SEMA3E: variants seen among roughly 807,000 people sequenced by gnomAD.
SEMA3E encodes the protein semaphorin 3E.
A neutral mutation model predicts 93.6 loss-of-function variants in SEMA3E; 49 were observed. The observed-to-expected ratio is 0.52, with a 90% CI of 0.42 to 0.66. The LOEUF (loss-of-function observed/expected upper bound fraction) is 0.66. SEMA3E is among the 30% of genes least tolerant of loss of function. The probability of loss-of-function intolerance (pLI) is 0.00; values close to 1 mark genes in which losing one functional copy is unlikely to be tolerated. For synonymous variants in SEMA3E, 363 were observed against 330.7 expected (o/e 1.10, Z -1.06); for missense variants, 906 against 964.8 (o/e 0.94, Z 0.81).
chr7:83,513,072 AAT>A (rs1274516831), intron 1 of SEMA3E, among the ~76,000 whole-genome samples: 1 of 152,188 alleles, frequency 6.6e-6, no homozygotes, highest in Non-Finnish European at 1.5e-5. Flanking sequence ...TATTTATCGC[AAT>A]ATTGATTTTA....
intron 1 of SEMA3E, among the ~76,000 whole-genome samples, chr7:83,574,922 G>A (rs1792368247): frequency 6.6e-6 from 1 of 152,114 alleles, no homozygotes; most frequent in African/African-American, 2.4e-5. Context: ...TGACTGAGGT[G>A]TTTTCAATCA....
At chr7:83,389,699 C>G (rs922776569) in intron 14 of SEMA3E, among the ~76,000 whole-genome samples, 1 of 148,720 alleles carries the variant, frequency 6.7e-6, no homozygotes, top group Admixed American at 6.7e-5. Context: ...TGTATACATA[C>G]ACACATATAT....
At chr7:83,579,021 A>G (rs2115897849) in intron 1 of SEMA3E, among the ~76,000 whole-genome samples, 1 of 152,266 alleles carries the variant, frequency 6.6e-6, no homozygotes, top group South Asian at 2.1e-4. Flanking sequence ...TATTTAATAT[A>G]AGAAGAGCAA....
intron 5 of SEMA3E, among the ~76,000 whole-genome samples, chr7:83,414,662 T>G (rs1006551341): frequency 5.3e-5 from 8 of 152,150 alleles, no homozygotes; most frequent in Non-Finnish European, 8.8e-5. Context: ...ATCTTATTAG[T>G]GATTATTTGT....
At chr7:83,409,079 C>A (rs555090736) in intron 5 of SEMA3E, among the ~76,000 whole-genome samples, 1 of 152,002 alleles carries the variant, frequency 6.6e-6, no homozygotes, top group African/African-American at 2.4e-5. Context: ...ATATAAAAAG[C>A]GCTCAAAATT....
chr7:83,411,467 A>G (rs1166448165), intron 5 of SEMA3E, among the ~76,000 whole-genome samples: 1 of 152,144 alleles, frequency 6.6e-6, no homozygotes, highest in Non-Finnish European at 1.5e-5. Flanking sequence ...CTTCATATCA[A>G]TGCAAATTTA....
chr7:83,580,477 C>A (rs1274763576), intron 1 of SEMA3E, among the ~76,000 whole-genome samples: 1 of 151,894 alleles, frequency 6.6e-6, no homozygotes, highest in Non-Finnish European at 1.5e-5. Flanking sequence ...TCATGTGCAT[C>A]CCTACCTCTT....
chr7:83,385,208 T>G, intron 16 of SEMA3E, 86 bp downstream of exon 16: 1 of 1,479,790 alleles, frequency 6.8e-7, no homozygotes, highest in Non-Finnish European at 9.3e-7. Context: ...GCTAGCTTCA[T>G]TTTTCAGCAT....
chr7:83,543,846 C>G (rs914606998), intron 1 of SEMA3E, among the ~76,000 whole-genome samples: 1 of 152,020 alleles, frequency 6.6e-6, no homozygotes, highest in African/African-American at 2.4e-5. Flanking sequence ...AGAGAAAACA[C>G]AAGCTAAAAC....
At chr7:83,578,058 G>C (rs1429802048) in intron 1 of SEMA3E, among the ~76,000 whole-genome samples, 1 of 151,486 alleles carries the variant, frequency 6.6e-6, no homozygotes, top group Non-Finnish European at 1.5e-5. Flanking sequence ...GCATATGTAA[G>C]AAAAAATATT....
chr7:83,416,380 C>T (rs1285256422), intron 5 of SEMA3E, among the ~76,000 whole-genome samples: 1 of 152,028 alleles, frequency 6.6e-6, no homozygotes, highest in East Asian at 1.9e-4. Context: ...AAATGTCCCT[C>T]CAGTAATATT....
intron 1 of SEMA3E, among the ~76,000 whole-genome samples, chr7:83,642,997 A>G (rs1794034531): frequency 6.6e-6 from 1 of 152,106 alleles, no homozygotes; most frequent in African/African-American, 2.4e-5. Flanking sequence ...ATAAAGAAAT[A>G]CATCTTTGCA....
At chr7:83,487,043 C>A (rs1790272392) in intron 2 of SEMA3E, among the ~76,000 whole-genome samples, 1 of 152,090 alleles carries the variant, frequency 6.6e-6, no homozygotes. Context: ...AGCCTCATCA[C>A]TCTCCGGGTC....
intron 1 of SEMA3E, among the ~76,000 whole-genome samples, chr7:83,501,500 T>C (rs1790596210): frequency 1.3e-5 from 2 of 152,216 alleles, no homozygotes; most frequent in Admixed American, 6.5e-5. Context: ...TCACCCATGC[T>C]GGAGTGCAGT....
chr7:83,482,558 C>A (rs1037262456), intron 2 of SEMA3E, among the ~76,000 whole-genome samples: 1 of 100,198 alleles, frequency 1.0e-5, no homozygotes, highest in African/African-American at 4.2e-5. Flanking sequence ...GAGCCACACT[C>A]CGTCTCAAAA....
chr7:83,396,759 A>G (rs1439504326), intron 11 of SEMA3E, 30 bp from the exon 12 acceptor site: 1 of 1,468,832 alleles, frequency 6.8e-7, no homozygotes. Context: ...GAAATAAACT[A>G]GAATCTATGT....
intron 4 of SEMA3E, chr7:83,461,905 C>T (rs367729994): frequency 1.1e-4 from 17 of 152,334 alleles, no homozygotes; most frequent in East Asian, 5.8e-4. Flanking sequence ...CCAGGCGTTC[C>T]TCCAGAACCT....
chr7:83,523,369 G>T (rs1462542188), intron 1 of SEMA3E, among the ~76,000 whole-genome samples: 1 of 152,014 alleles, frequency 6.6e-6, no homozygotes, highest in Non-Finnish European at 1.5e-5. Flanking sequence ...CAGGAAAGAG[G>T]TCAGGGGATG....
intron 4 of SEMA3E, among the ~76,000 whole-genome samples, chr7:83,430,896 C>T (rs547276205): frequency 4.0e-5 from 6 of 151,894 alleles, no homozygotes; most frequent in East Asian, 3.9e-4. Flanking sequence ...AAATGTTATA[C>T]GAAACCAAAA....
Sources: allele counts gnomAD v4.1 joint callset (sites outside exome capture counted in the v4.1 genomes callset), GRCh38; gene constraint gnomAD v4.1.1; transcripts MANE v1.5; gene names NCBI Gene and HGNC (gene_info 2026-07-23, HGNC 2026-07-21).